Variants in DAAM1 observed in about 807,000 individuals in gnomAD.
DAAM1 encodes disheveled-associated activator of morphogenesis 1.
A neutral mutation model predicts 130.0 loss-of-function variants in DAAM1; 52 were observed. The ratio of observed to expected loss-of-function variants is 0.40; its 90% CI spans 0.32 to 0.50. DAAM1 has a LOEUF of 0.50. DAAM1 is among the 20% of genes least tolerant of loss of function. DAAM1 has a pLI of 0.61. For missense variants in DAAM1, 1,134 were observed against 1,303.8 expected, an observed-to-expected ratio of 0.87 and a Z score of 2.01; for synonymous variants, 452 against 444.5, an observed-to-expected ratio of 1.02 and a Z score of -0.21.
At chr14:59,198,033 G>A (rs1290937429) in intron 1 of DAAM1, among the ~76,000 whole-genome samples, 1 of 152,034 alleles carries the variant, frequency 6.6e-6, no homozygotes, top group African/African-American at 2.4e-5. Flanking sequence ...GAGAGTTGCT[G>A]GGTTTCACTT....
chr14:59,341,489 A>G (rs7146162), intron 16 of DAAM1, among the ~76,000 whole-genome samples: 35,454 of 152,148 alleles, frequency 0.23, 5,020 homozygotes, highest in African/African-American at 0.39. Flanking sequence ...CTGCATTCAC[A>G]TAACTTTTAT....
intron 22 of DAAM1, among the ~76,000 whole-genome samples, chr14:59,361,361 AATCGG>A (rs2139684168): frequency 6.6e-6 from 1 of 152,240 alleles, no homozygotes; most frequent in Admixed American, 6.5e-5. Context: ...GTGTTGCAAT[AATCGG>A]AGCAGCCACT....
chr14:59,312,101 T>C (rs913962802), intron 3 of DAAM1, among the ~76,000 whole-genome samples: 1 of 152,228 alleles, frequency 6.6e-6, no homozygotes, highest in African/African-American at 2.4e-5. Context: ...GAACATGTAA[T>C]TATAGGCTAA....
At chr14:59,361,972 G>A (rs980303692) in intron 22 of DAAM1, among the ~76,000 whole-genome samples, 15 of 144,582 alleles carry the variant, frequency 1.0e-4, no homozygotes, top group African/African-American at 3.9e-4. Flanking sequence ...AAGTCACAAT[G>A]TCTAATTTTT....
chr14:59,339,960 A>C, intron 15 of DAAM1, 114 bp from the exon 16 acceptor site: 1 of 721,772 alleles, frequency 1.4e-6, no homozygotes, highest in South Asian at 2.5e-5. Flanking sequence ...AGCCTTGCCC[A>C]TGTGTATACG....
intron 1 of DAAM1, among the ~76,000 whole-genome samples, chr14:59,213,591 T>C (rs1180623491): frequency 6.6e-6 from 1 of 152,122 alleles, no homozygotes; most frequent in Admixed American, 6.5e-5. Context: ...CACATACTTA[T>C]ATGGAAAGAA....
chr14:59,353,389 T>C (rs905390950), intron 18 of DAAM1, among the ~76,000 whole-genome samples: 1 of 152,182 alleles, frequency 6.6e-6, no homozygotes, highest in Non-Finnish European at 1.5e-5. Flanking sequence ...GAGGACAATG[T>C]GGGAAGCGGA....
intron 2 of DAAM1, among the ~76,000 whole-genome samples, chr14:59,279,681 G>A (rs1883124868): frequency 6.6e-6 from 1 of 152,100 alleles, no homozygotes; most frequent in South Asian, 2.1e-4. Context: ...CCTGTAAGTT[G>A]TAGAATTTCT....
rs558832825 is a variant in DAAM1 at position 59,241,631 on chromosome 14, C to T, written c.-37-21810C>T. Among the ~76,000 whole-genome samples the T allele has an allele frequency of 2.6e-5, 4 of 152,318 alleles. No homozygotes were observed. The East Asian group carries it at 7.7e-4, about 29-fold the overall frequency. The stretch of plus-strand genomic sequence containing the variant: ...ACTGCCATTTTGCTCCTTAATTCTG[C>T]TCTACTGCACCCAATTCAAACATCG... On this transcript the variant is annotated intron_variant, in intron 1 of 24. Coordinates refer to ENST00000360909, the MANE Select transcript of DAAM1 (RefSeq NM_001270520.2).
intron 12 of DAAM1, among the ~76,000 whole-genome samples, chr14:59,327,472 A>G (rs1885258588): frequency 7.8e-6 from 1 of 128,214 alleles, no homozygotes; most frequent in African/African-American, 3.1e-5. Context: ...CAGTGGCGCC[A>G]TCTCGGCTCA....
At chr14:59,340,211 T>C in intron 16 of DAAM1, 31 bp downstream of exon 16, 1 of 1,593,704 alleles carries the variant, frequency 6.3e-7, no homozygotes, top group Non-Finnish European at 8.6e-7. Context: ...ACATTTCTAG[T>C]AGGACCAACA....
chr14:59,195,817 G>A (rs1887870996), intron 1 of DAAM1, among the ~76,000 whole-genome samples: 2 of 151,920 alleles, frequency 1.3e-5, no homozygotes, highest in African/African-American at 4.8e-5. Flanking sequence ...TCAAGGGCAT[G>A]GGTTAGCTTT....
intron 1 of DAAM1, among the ~76,000 whole-genome samples, chr14:59,238,695 A>G (rs1225192549): frequency 6.6e-6 from 1 of 152,224 alleles, no homozygotes. Flanking sequence ...CTGACTGTTC[A>G]GATGAACAGA....
At chr14:59,365,022 C>T (rs995425157) in intron 23 of DAAM1, among the ~76,000 whole-genome samples, 1 of 149,860 alleles carries the variant, frequency 6.7e-6, no homozygotes, top group African/African-American at 2.4e-5. Flanking sequence ...AGCAATATAG[C>T]ACCTACTTCA....
intron 3 of DAAM1, among the ~76,000 whole-genome samples, chr14:59,295,552 C>T (rs1456612954): frequency 6.6e-6 from 1 of 152,196 alleles, no homozygotes; most frequent in Non-Finnish European, 1.5e-5. Context: ...TTGTGTGTGG[C>T]CATTGGGATG....
intron 23 of DAAM1, 82 bp downstream of exon 23, chr14:59,363,864 G>C: frequency 6.4e-7 from 1 of 1,565,956 alleles, no homozygotes; most frequent in Non-Finnish European, 8.6e-7. Context: ...TTCTGTACGG[G>C]AAATAGCAGG....
At chr14:59,310,887 C>T (rs183332455) in intron 3 of DAAM1, among the ~76,000 whole-genome samples, 9 of 152,082 alleles carry the variant, frequency 5.9e-5, no homozygotes, top group South Asian at 2.1e-4. Context: ...AGCGAACAAC[C>T]GCAGAGCATG....
At chr14:59,264,528 A>G (rs1258747673) in intron 2 of DAAM1, 1 of 152,246 alleles carries the variant, frequency 6.6e-6, no homozygotes, top group Non-Finnish European at 1.5e-5. Context: ...TGAGAACAGC[A>G]CACAGTGGGA....
intron 1 of DAAM1, among the ~76,000 whole-genome samples, chr14:59,209,088 G>A (rs954917380): frequency 6.6e-6 from 1 of 152,090 alleles, no homozygotes; most frequent in African/African-American, 2.4e-5. Context: ...CCCAATACAG[G>A]CATGAAGCTT....
Sources: gnomAD v4.1 joint callset for allele counts (sites outside exome capture counted in the v4.1 genomes callset) on GRCh38, gnomAD v4.1.1 for gene constraint, MANE v1.5 for transcripts, NCBI Gene and HGNC (gene_info 2026-07-23, HGNC 2026-07-21) for gene names.